SKAP2: variants seen among roughly 807,000 people sequenced by gnomAD.
SKAP2 encodes src kinase associated phosphoprotein 2, also known as src kinase-associated phosphoprotein 2.
SKAP2 carries 28 observed loss-of-function variants against 54.9 expected under a neutral mutation model. That is an observed-to-expected ratio of 0.51 (90% CI 0.38 to 0.70). The LOEUF is 0.70. SKAP2 is among the 30% of genes least tolerant of loss of function. SKAP2 has a pLI of 0.00. For missense variants in SKAP2, 356 were observed against 424.1 expected (o/e 0.84, Z 1.41); for synonymous variants, 137 against 134.3 (o/e 1.02, Z -0.14).
At chr7:26,727,630 A>T (rs939841315) in intron 6 of SKAP2, among the ~76,000 whole-genome samples, 7 of 152,286 alleles carry the variant, frequency 4.6e-5, no homozygotes, top group South Asian at 4.1e-4. Flanking sequence ...AAATAGAGGG[A>T]AAGTTTCTTA....
intron 4 of SKAP2, among the ~76,000 whole-genome samples, chr7:26,757,902 C>T (rs1562599529): frequency 6.6e-6 from 1 of 152,192 alleles, no homozygotes; most frequent in Non-Finnish European, 1.5e-5. Context: ...GCTGGGACTA[C>T]AGGCACGTGC....
intron 9 of SKAP2, among the ~76,000 whole-genome samples, chr7:26,710,718 G>A (rs1405559751): frequency 6.6e-6 from 1 of 152,132 alleles, no homozygotes; most frequent in Non-Finnish European, 1.5e-5. Flanking sequence ...TATGGTCTGT[G>A]GTGAGCCATT....
At chr7:26,703,730 A>G (rs1787097877) in intron 9 of SKAP2, among the ~76,000 whole-genome samples, 1 of 152,210 alleles carries the variant, frequency 6.6e-6, no homozygotes, top group African/African-American at 2.4e-5. Context: ...AGTGATTATA[A>G]TAATCTGTTT....
intron 4 of SKAP2, among the ~76,000 whole-genome samples, chr7:26,808,469 T>C (rs1479228380): frequency 2.0e-5 from 3 of 151,280 alleles, no homozygotes; most frequent in South Asian, 4.2e-4. Context: ...GGTAGGGAGG[T>C]GGGTGAATGG....
chr7:26,849,851 T>C (rs1785003255), intron 3 of SKAP2, among the ~76,000 whole-genome samples: 1 of 152,162 alleles, frequency 6.6e-6, no homozygotes, highest in African/African-American at 2.4e-5. Context: ...TTAACTTAAA[T>C]CTTCTTGACA....
At chr7:26,805,662 C>T (rs2127986169) in intron 4 of SKAP2, among the ~76,000 whole-genome samples, 1 of 152,330 alleles carries the variant, frequency 6.6e-6, no homozygotes, top group Non-Finnish European at 1.5e-5. Context: ...GTGAGCCTCC[C>T]TGAAAGTGGA....
chr7:26,779,707 CAT>C (rs1783386590), intron 4 of SKAP2, among the ~76,000 whole-genome samples: 1 of 151,698 alleles, frequency 6.6e-6, no homozygotes, highest in Non-Finnish European at 1.5e-5. Context: ...GGTAACATAA[CAT>C]GTTAAAAAAA....
At chr7:26,807,130 GGA>G (rs1443712997) in intron 4 of SKAP2, among the ~76,000 whole-genome samples, 2 of 152,192 alleles carry the variant, frequency 1.3e-5, no homozygotes, top group Non-Finnish European at 2.9e-5. Context: ...TTCTTGCGAT[GGA>G]ATCTACTACC....
chr7:26,692,692 CTG>C (rs1786810734), intron 9 of SKAP2, among the ~76,000 whole-genome samples: 1 of 152,058 alleles, frequency 6.6e-6, no homozygotes, highest in Non-Finnish European at 1.5e-5. Flanking sequence ...AAAAAGTATC[CTG>C]TCTCTTTTCT....
chr7:26,687,380 T>C (rs192421404), intron 10 of SKAP2, among the ~76,000 whole-genome samples: 4 of 152,080 alleles, frequency 2.6e-5, no homozygotes, highest in Admixed American at 1.3e-4. Context: ...TTGATGATGA[T>C]GTTACCCAAA....
Position 26,713,839 on chromosome 7 carries a change from T to G in SKAP2, c.796+11589A>C, listed in dbSNP as rs1003961578. ...TGGTCTCTATCTCCTGACCTCGTGA[T>G]CCACCTGCCTCGGCCTCCCAAAGTG... On this transcript the variant is annotated intron_variant, in intron 9 of 12. Transcript: ENST00000345317. Among the ~76,000 whole-genome samples the G allele has an allele frequency of 1.3e-5, 2 of 152,160 alleles. 1 individual carries two copies. The highest frequency in any genetic ancestry group is 1.3e-4 in the Admixed American group (2 of 15,276).
At chr7:26,849,238 GCTTT>G (rs996012769) in intron 3 of SKAP2, among the ~76,000 whole-genome samples, 2 of 152,260 alleles carry the variant, frequency 1.3e-5, no homozygotes, top group African/African-American at 2.4e-5. Flanking sequence ...AAAGGAAACT[GCTTT>G]CTAAGTAAAT....
At chr7:26,751,782 C>T (rs1782689687) in intron 4 of SKAP2, among the ~76,000 whole-genome samples, 1 of 151,704 alleles carries the variant, frequency 6.6e-6, no homozygotes, top group African/African-American at 2.4e-5. Flanking sequence ...AATATACTGC[C>T]TCCTTCTCCC....
At chr7:26,703,372 T>C (rs1375607538) in intron 9 of SKAP2, among the ~76,000 whole-genome samples, 4 of 152,272 alleles carry the variant, frequency 2.6e-5, no homozygotes, top group African/African-American at 9.6e-5. Context: ...TTCAGTGTTC[T>C]ATCATTATTT....
intron 4 of SKAP2, among the ~76,000 whole-genome samples, chr7:26,762,893 A>G (rs1360148191): frequency 1.3e-5 from 2 of 152,232 alleles, no homozygotes; most frequent in Admixed American, 1.3e-4. Flanking sequence ...CCAATGTTAC[A>G]TGTATAGCCA....
chr7:26,849,864 T>C (rs1055466532), intron 3 of SKAP2, among the ~76,000 whole-genome samples: 11 of 151,276 alleles, frequency 7.3e-5, no homozygotes, highest in Admixed American at 2.6e-4. Flanking sequence ...TCTTGACAAA[T>C]GAAGTTGAAT....
At chr7:26,725,819 G>GT in intron 8 of SKAP2, 104 bp downstream of exon 8, 1 of 955,714 alleles carries the variant, frequency 1.0e-6, no homozygotes, top group Non-Finnish European at 1.6e-6. Context: ...ATTCAAGTTG[G>GT]TCATTCTCAC....
At chr7:26,834,431 AATAG>A (rs1375928670) in intron 4 of SKAP2, among the ~76,000 whole-genome samples, 25 of 152,310 alleles carry the variant, frequency 1.6e-4, no homozygotes, top group African/African-American at 5.1e-4. Context: ...AGATCAAGAA[AATAG>A]ATAGACCACT....
intron 9 of SKAP2, among the ~76,000 whole-genome samples, chr7:26,713,267 T>C (rs1787349280): frequency 6.6e-6 from 1 of 152,194 alleles, no homozygotes. Flanking sequence ...AGAATACACA[T>C]CATTTACTCC....
Sources: allele counts gnomAD v4.1 joint callset (sites outside exome capture counted in the v4.1 genomes callset), GRCh38; gene constraint gnomAD v4.1.1; transcripts MANE v1.5; gene names NCBI Gene and HGNC (gene_info 2026-07-23, HGNC 2026-07-21).